Variants in MBP observed in about 807,000 individuals in gnomAD.
The protein encoded by MBP is Golli-MBP.
In MBP, 16 loss-of-function variants were observed where a neutral mutation model predicts 35.8. The observed-to-expected ratio is 0.45, with a 90% CI of 0.30 to 0.68. The LOEUF is 0.68. Among genes scored for constraint, MBP ranks in the 30% least tolerant of loss-of-function variants. MBP has a pLI of 0.08. For missense variants in MBP, 380 were observed against 404.7 expected, an observed-to-expected ratio of 0.94 and a Z score of 0.52; for synonymous variants, 143 against 159.6, an observed-to-expected ratio of 0.90 and a Z score of 0.78.
intron 7 of MBP, chr18:76,985,956 C>G: frequency 1.0e-6 from 1 of 985,890 alleles, no homozygotes; most frequent in Non-Finnish European, 1.2e-6. Context: ...TCCTGACACA[C>G]ATGGGTGCGA....
rs1333959510 is a variant in MBP at position 77,083,371 on chromosome 18, C to T, written c.52-16986G>A. Among the ~76,000 whole-genome samples, 5 of 152,304 alleles carry T rather than the reference C, an allele frequency of 3.3e-5. No individual in the cohort carries two copies. In the South Asian group the frequency reaches 8.3e-4, roughly 25 times the overall value. On this transcript the variant is annotated intron_variant, in intron 2 of 8. Transcript: ENST00000355994. ...TTACAACGACGTCCAGGACCCTTTT[C>T]TTTGACCTTTTCTTTCGACAAAGTT... is the stretch of plus-strand genomic sequence containing the variant.
chr18:77,088,870 A>G (rs1975387872), intron 2 of MBP, among the ~76,000 whole-genome samples: 1 of 152,172 alleles, frequency 6.6e-6, no homozygotes. Context: ...TGCAGATTTA[A>G]TGAAGTTAAG....
rs1223707779 is a variant in MBP at position 77,075,024 on chromosome 18, A to G, written c.52-8639T>C. 5.3e-5 allele frequency among the ~76,000 whole-genome samples: 8 copies of G among 152,358 alleles called. No homozygotes were observed. In the East Asian group the frequency reaches 1.5e-3, roughly 29 times the overall value. Reference sequence around the variant, plus strand: ...TGTGGGTGTTTAAAGAGGATACTGCAGGAAAAACAAACCTCTAAATAAATA... The same window carrying G: ...TGTGGGTGTTTAAAGAGGATACTGCGGGAAAAACAAACCTCTAAATAAATA... On this transcript the variant is annotated intron_variant, in intron 2 of 8. Coordinates refer to ENST00000355994, the MANE Select transcript of MBP (RefSeq NM_001025101.2).
chr18:77,089,723 C>T (rs1464222695), intron 2 of MBP, among the ~76,000 whole-genome samples: 1 of 152,254 alleles, frequency 6.6e-6, no homozygotes, highest in African/African-American at 2.4e-5. Context: ...TCCCATCCTG[C>T]CGTGACTTTT....
intron 2 of MBP, chr18:77,087,271 G>A (rs567827865): frequency 5.5e-4 from 84 of 152,358 alleles, no homozygotes; most frequent in African/African-American, 1.9e-3. Flanking sequence ...GGAGGAACAC[G>A]CGACCTTCGC....
In MBP at chr18:77,062,812, G is replaced by A. The variant is rs1974036534; in HGVS notation, c.139+3486C>T. On this transcript the variant is annotated intron_variant, in intron 3 of 8. Coordinates refer to ENST00000355994, the MANE Select transcript of MBP (RefSeq NM_001025101.2). ...CAATGCGCCAATCAGTCTTAACTCG[G>A]GGACTCTCTTATCAGCTGAAATACA... Among the ~76,000 whole-genome samples, 3 of 152,276 alleles carry A rather than the reference G, an allele frequency of 2.0e-5. No homozygotes were observed. In the South Asian group the frequency reaches 6.2e-4, roughly 32 times the overall value.
At chr18:77,036,771 G>A (rs1972787179) in intron 3 of MBP, among the ~76,000 whole-genome samples, 1 of 145,760 alleles carries the variant, frequency 6.9e-6, no homozygotes, top group South Asian at 2.2e-4. Context: ...AGCAAGTGCT[G>A]GTCACATTTT....
intron 2 of MBP, among the ~76,000 whole-genome samples, chr18:77,090,674 A>G (rs1424097451): frequency 3.3e-5 from 5 of 152,048 alleles, no homozygotes; most frequent in African/African-American, 9.7e-5. Context: ...GGACACGTCT[A>G]TCCTCCCGGC....
intron 3 of MBP, among the ~76,000 whole-genome samples, chr18:77,053,262 G>C (rs766807665): frequency 2.0e-5 from 3 of 152,180 alleles, no homozygotes; most frequent in Admixed American, 1.3e-4. Flanking sequence ...GGCTGCTTCA[G>C]GGGAGGGGTG....
At chr18:77,077,886 G>A (rs1465754290) in intron 2 of MBP, among the ~76,000 whole-genome samples, 1 of 152,240 alleles carries the variant, frequency 6.6e-6, no homozygotes, top group Non-Finnish European at 1.5e-5. Flanking sequence ...CGGGGAGAGT[G>A]CAGGTCTTAT....
intron 4 of MBP, chr18:77,014,550 GA>G (rs1971523177): frequency 1.0e-6 from 1 of 985,436 alleles, no homozygotes. Context: ...GGGCTCTCCT[GA>G]TTTGTAAACA....
rs1190171342 is a variant in MBP, at chr18:77,020,383, T to C, written c.140-3115A>G. ...GTGGACAGATATTCTTCTACGTCGG[T>C]TTCCACAAAGGACCTCTTTCAGTAA... On this transcript the variant is annotated intron_variant, in intron 3 of 8. Coordinates refer to ENST00000355994, the MANE Select transcript of MBP (RefSeq NM_001025101.2). This position sits in a 1 kb window ranked among gnomAD's most constrained non-coding sequence, Gnocchi z 4.1. Among the ~76,000 whole-genome samples, 1 of 152,110 alleles carries C rather than the reference T, an allele frequency of 6.6e-6. No individual in the cohort carries two copies. The highest frequency in any genetic ancestry group is 1.5e-5 in the Non-Finnish European group (1 of 68,010).
intron 3 of MBP, among the ~76,000 whole-genome samples, chr18:77,018,735 T>C (rs1337673445): frequency 7.2e-6 from 1 of 139,574 alleles, no homozygotes; most frequent in Non-Finnish European, 1.5e-5. Context: ...CATCCACCCC[T>C]CCATCTATCC....
chr18:77,082,099 G>A lies in MBP; in HGVS notation c.52-15714C>T, dbSNP rs535368990. Among the ~76,000 whole-genome samples the A allele has an allele frequency of 2.5e-3, 387 of 151,992 alleles. 1 individual carries two copies. Among genetic ancestry groups the A allele is most frequent in the African/African-American group, 8.9e-3 (368 of 41,498 alleles). On this transcript the variant is annotated intron_variant, in intron 2 of 8. Transcript: ENST00000355994. Reference sequence around the variant, plus strand: ...GATCTCCTGACCTTGTGATCCGCCCGCCTCGGCCTCCCAAAGTGCTGGGAT... The same window carrying A: ...GATCTCCTGACCTTGTGATCCGCCCACCTCGGCCTCCCAAAGTGCTGGGAT...
At chr18:77,027,291 G>T (rs1411510994) in intron 3 of MBP, among the ~76,000 whole-genome samples, 2 of 152,178 alleles carry the variant, frequency 1.3e-5, no homozygotes, top group African/African-American at 4.8e-5. Context: ...AGGATGAAAG[G>T]CTATGGAATA....
chr18:77,039,176 C>G (rs1972886931), intron 3 of MBP, among the ~76,000 whole-genome samples: 1 of 152,244 alleles, frequency 6.6e-6, no homozygotes, highest in African/African-American at 2.4e-5. Flanking sequence ...CAAGCAGAGG[C>G]TCCACAGAGA....
intron 3 of MBP, among the ~76,000 whole-genome samples, chr18:77,026,682 G>T (rs369364929): frequency 6.6e-6 from 1 of 151,982 alleles, no homozygotes; most frequent in African/African-American, 2.4e-5. Flanking sequence ...CCTGAGCAAC[G>T]CAGCAAGACC....
chr18:77,100,666 C>A (rs1975972158), intron 2 of MBP, among the ~76,000 whole-genome samples: 1 of 152,064 alleles, frequency 6.6e-6, no homozygotes. Context: ...ATCTTTCCAC[C>A]TCAGCTTTCC....
rs528318781 is a variant in MBP at position 77,065,434 on chromosome 18, A to G, written c.139+864T>C. 3.7e-4 allele frequency among the ~76,000 whole-genome samples: 56 copies of G among 152,336 alleles called. No individual in the cohort carries two copies. In the South Asian group the frequency reaches 0.011, roughly 29 times the overall value. On this transcript the variant is annotated intron_variant, in intron 3 of 8. Coordinates refer to ENST00000355994, the MANE Select transcript of MBP (RefSeq NM_001025101.2). The stretch of plus-strand genomic sequence containing the variant: ...TTACATCCCAAAGGCCCCACGTCCA[A>G]TTAACATAGAAATTTAGGGGGTTAA...
Sources: gnomAD v4.1 joint callset for allele counts (sites outside exome capture counted in the v4.1 genomes callset) on GRCh38, gnomAD v4.1.1 for gene constraint, Gnocchi (gnomAD v3.1) non-coding constraint, MANE v1.5 for transcripts, NCBI Gene and HGNC (gene_info 2026-07-23, HGNC 2026-07-21) for gene names.